Variants in PRKCE observed in about 807,000 individuals in gnomAD.
The protein encoded by PRKCE is protein kinase C epsilon.
A neutral mutation model predicts 85.4 loss-of-function variants in PRKCE; 16 were observed. The observed-to-expected ratio is 0.19, with a 90% CI of 0.13 to 0.28. PRKCE has a LOEUF of 0.28. PRKCE is among the 10% of genes least tolerant of loss of function. The pLI is 1.00. For synonymous variants in PRKCE, 388 were observed against 371.5 expected, an observed-to-expected ratio of 1.04 and a Z score of -0.51; for missense variants, 573 against 975.2, an observed-to-expected ratio of 0.59 and a Z score of 5.49.
intron 12 of PRKCE, among the ~76,000 whole-genome samples, chr2:46,149,725 GTATTTATATAT>G (rs1676423781): frequency 6.4e-5 from 1 of 15,546 alleles, no homozygotes; most frequent in Admixed American, 1.9e-3. Context: ...TTATATATAT[GTATTTATATAT>G]ATGTATTTAT....
At chr2:45,696,790 A>C (rs1490291053) in intron 1 of PRKCE, among the ~76,000 whole-genome samples, 1 of 152,154 alleles carries the variant, frequency 6.6e-6, no homozygotes, top group East Asian at 1.9e-4. Flanking sequence ...GCGGCCTCTC[A>C]TCCTGATAAC....
rs542061836 is a variant in PRKCE at position 46,001,441 on chromosome 2, C to T, written c.861C>T (p.Asn287=). 7.5e-6 allele frequency: 12 copies of T among 1,599,246 alleles called. No individual in the cohort carries two copies. In the East Asian group the frequency reaches 8.9e-5, roughly 12 times the overall value. The part of the protein sequence containing the change: ...KMNVHRRCET[N]VAPNCGVDAR... ...ATGTTCACCGTCGATGTGAGACCAACGTGGCTCCCAACTGTGGAGTGGATG... is the reference window on the plus strand; with the variant it reads ...ATGTTCACCGTCGATGTGAGACCAATGTGGCTCCCAACTGTGGAGTGGATG... The change falls in exon 7 of 15, where the codon AAC becomes AAT. Residue 287 remains asparagine, a synonymous_variant. Transcript: ENST00000306156. The surrounding 1 kb of genome is among the most constrained non-coding windows in gnomAD (Gnocchi z 4.4).
intron 6 of PRKCE, among the ~76,000 whole-genome samples, chr2:45,985,065 T>G (rs62129008): frequency 6.6e-6 from 1 of 152,010 alleles, no homozygotes; most frequent in East Asian, 1.9e-4. Context: ...TTTTCTTGCA[T>G]GGTCCATGGC....
chr2:45,663,483 A>C (rs1477801612), intron 1 of PRKCE, among the ~76,000 whole-genome samples: 1 of 152,170 alleles, frequency 6.6e-6, no homozygotes, highest in East Asian at 1.9e-4. Context: ...GAGCCCCTCT[A>C]AACTGGAAGA....
intron 1 of PRKCE, among the ~76,000 whole-genome samples, chr2:45,712,329 A>G (rs1679731970): frequency 6.6e-6 from 1 of 151,482 alleles, no homozygotes; most frequent in East Asian, 1.9e-4. Context: ...AATTTTTTGT[A>G]GTTTTAGTAG....
At chr2:45,847,732 C>A (rs1270220038) in intron 2 of PRKCE, among the ~76,000 whole-genome samples, 1 of 152,242 alleles carries the variant, frequency 6.6e-6, no homozygotes, top group South Asian at 2.1e-4. Flanking sequence ...TTCCCCACTC[C>A]ACCCCTGGTT....
intron 1 of PRKCE, among the ~76,000 whole-genome samples, chr2:45,803,424 T>C (rs1292221546): frequency 6.6e-6 from 1 of 152,246 alleles, no homozygotes; most frequent in African/African-American, 2.4e-5. Context: ...CACTGGAATT[T>C]TGCCATATGG....
At chr2:45,674,243 C>A (rs1242643349) in intron 1 of PRKCE, among the ~76,000 whole-genome samples, 1 of 152,180 alleles carries the variant, frequency 6.6e-6, no homozygotes, top group Non-Finnish European at 1.5e-5. Context: ...GGATTCCTCA[C>A]TTCCTCTTGG....
intron 1 of PRKCE, among the ~76,000 whole-genome samples, chr2:45,787,704 G>C (rs541409112): frequency 6.6e-6 from 1 of 152,152 alleles, no homozygotes; most frequent in Non-Finnish European, 1.5e-5. Flanking sequence ...AAGGCTTACC[G>C]TATCAACAGA....
At chr2:45,754,869 A>G (rs1324560064) in intron 1 of PRKCE, among the ~76,000 whole-genome samples, 1 of 152,238 alleles carries the variant, frequency 6.6e-6, no homozygotes, top group African/African-American at 2.4e-5. Flanking sequence ...GCCAGCATCA[A>G]GCTGGCTAAG....
chr2:46,166,632 T>G (rs1461949421), intron 14 of PRKCE, among the ~76,000 whole-genome samples: 13 of 152,224 alleles, frequency 8.5e-5, no homozygotes, highest in Admixed American at 8.5e-4. Flanking sequence ...CCTGGACCTC[T>G]GGCTTCCTTG....
chr2:46,161,219 C>T (rs1677727642), intron 14 of PRKCE, among the ~76,000 whole-genome samples: 2 of 152,220 alleles, frequency 1.3e-5, no homozygotes, highest in South Asian at 2.1e-4. Context: ...GGGCCTCTGC[C>T]AGTCACCTTT....
chr2:45,827,455 G>A (rs533585799), intron 1 of PRKCE, among the ~76,000 whole-genome samples: 2 of 152,304 alleles, frequency 1.3e-5, no homozygotes, highest in Admixed American at 6.5e-5. Flanking sequence ...TTGAGCATAT[G>A]TGAGTCTCAT....
intron 2 of PRKCE, among the ~76,000 whole-genome samples, chr2:45,926,377 C>A (rs568006138): frequency 1.3e-5 from 2 of 152,312 alleles, no homozygotes; most frequent in African/African-American, 2.4e-5. Context: ...CATTACACAG[C>A]AAGTCGAGGA....
intron 2 of PRKCE, among the ~76,000 whole-genome samples, chr2:45,964,781 T>A (rs1408750203): frequency 1.3e-5 from 2 of 152,232 alleles, no homozygotes; most frequent in African/African-American, 4.8e-5. Context: ...CATCTTCTTT[T>A]CTCACATTAT....
At chr2:45,756,353 G>A (rs1282750215) in intron 1 of PRKCE, among the ~76,000 whole-genome samples, 1 of 152,180 alleles carries the variant, frequency 6.6e-6, no homozygotes, top group Non-Finnish European at 1.5e-5. Context: ...TAGTGGGGTG[G>A]ATTAGAGAGG....
chr2:46,160,792 AAGG>A (rs1677680321), intron 14 of PRKCE, among the ~76,000 whole-genome samples: 1 of 152,304 alleles, frequency 6.6e-6, no homozygotes, highest in East Asian at 1.9e-4. Context: ...CGTTCTATTC[AAGG>A]AGATTTTCTG....
At chr2:46,039,056 G>A (rs1362105871) in intron 10 of PRKCE, among the ~76,000 whole-genome samples, 2 of 152,248 alleles carry the variant, frequency 1.3e-5, no homozygotes, top group South Asian at 2.1e-4. Flanking sequence ...AATGGCTAAC[G>A]TAGTTGAGAC....
intron 1 of PRKCE, among the ~76,000 whole-genome samples, chr2:45,653,639 G>C (rs924528942): frequency 6.6e-6 from 1 of 152,044 alleles, no homozygotes; most frequent in African/African-American, 2.4e-5. Context: ...GATCACTTTG[G>C]CATATCACCT....
Sources: gnomAD v4.1 joint callset for allele counts (sites outside exome capture counted in the v4.1 genomes callset) on GRCh38, gnomAD v4.1.1 for gene constraint, Gnocchi (gnomAD v3.1) non-coding constraint, MANE v1.5 for transcripts, NCBI Gene and HGNC (gene_info 2026-07-23, HGNC 2026-07-21) for gene names.